The following CLASRP variants were observed in gnomAD, a reference collection of about 807,000 sequenced individuals.
CLASRP encodes CLK4 associating serine/arginine rich protein.
In CLASRP, 52 loss-of-function variants were observed where a neutral mutation model predicts 99.9. The observed-to-expected ratio is 0.52, with a 90% CI of 0.42 to 0.66. The LOEUF (loss-of-function observed/expected upper bound fraction) is 0.66, where lower values mean the gene tolerates loss of function less well. Ranked by LOEUF, CLASRP falls within the 30% of genes least tolerant of loss-of-function variation. The pLI is 0.00. For missense variants in CLASRP, 848 were observed against 999.2 expected, an observed-to-expected ratio of 0.85 and a Z score of 2.04; for synonymous variants, 379 against 373.0, an observed-to-expected ratio of 1.02 and a Z score of -0.18.
At chr19:45,045,986 C>G (rs1018098000) in intron 2 of CLASRP, among the ~76,000 whole-genome samples, 5 of 152,166 alleles carry the variant, frequency 3.3e-5, no homozygotes, top group Non-Finnish European at 7.3e-5. Flanking sequence ...CGACCAACCC[C>G]TCTCACTGGA....
chr19:45,067,579 G>A lies in CLASRP; in HGVS notation c.1652G>A (p.Gly551Asp). 6.3e-7 allele frequency: 1 copy of A among 1,599,190 alleles called. No homozygotes were observed. Among genetic ancestry groups the A allele is most frequent in the African/African-American group, 1.3e-5 (1 of 74,772 alleles). The change falls in exon 14 of 21, where the codon GGC becomes GAC. Residue 551 changes from glycine to aspartate, a missense_variant. Transcript: ENST00000221455. The surrounding 1 kb of genome is among the most constrained non-coding windows in gnomAD (Gnocchi z 4.9). ...AGGCCGGCCGCGTCCCCTGCTGTGG[G>A]CGAGAAGCTGAAAAAGTGAGCGGGG... is the stretch of plus-strand genomic sequence containing the variant. ...LTRPAASPAV[G>D]EKLKKTEPAA... is the part of the protein sequence containing the mutation.
Position 45,070,786 on chromosome 19 carries a change from T to TC in CLASRP, c.1983-14dup. On this transcript the variant is annotated splice_polypyrimidine_tract_variant and intron_variant, in intron 20 of 20. Transcript: ENST00000221455. Reference sequence around the variant, plus strand: ...GTGTATGCCCCATCCTCACGGCCCCTCCCTTTCTCTTTCCAGGCGCTCAAG... The same window carrying TC: ...GTGTATGCCCCATCCTCACGGCCCCTCCCCTTTCTCTTTCCAGGCGCTCAAG... 1 of 1,574,030 alleles carries TC rather than the reference T, an allele frequency of 6.4e-7. No individual in the cohort carries two copies. The highest frequency in any genetic ancestry group is 2.3e-5 in the East Asian group (1 of 42,700).
intron 5 of CLASRP, among the ~76,000 whole-genome samples, chr19:45,054,284 C>G (rs963347064): frequency 3.3e-5 from 5 of 152,086 alleles, no homozygotes; most frequent in Non-Finnish European, 7.4e-5. Context: ...GAGTCTTACT[C>G]TGTTGCCCAG....
At chr19:45,053,787 GT>G (rs2122559856) in intron 5 of CLASRP, among the ~76,000 whole-genome samples, 1 of 152,200 alleles carries the variant, frequency 6.6e-6, no homozygotes, top group South Asian at 2.1e-4. Flanking sequence ...CCAAGAATAC[GT>G]TTTTAAAAGC....
At chr19:45,042,515 A>G (rs539001978) in intron 2 of CLASRP, among the ~76,000 whole-genome samples, 43 of 151,658 alleles carry the variant, frequency 2.8e-4, no homozygotes, top group Non-Finnish European at 4.9e-4. Flanking sequence ...AAAAATTTAT[A>G]TATATATATA....
chr19:45,052,083 G>T lies in CLASRP; in HGVS notation c.112G>T (p.Ala38Ser). The T allele has an allele frequency of 6.2e-7, 1 of 1,613,992 alleles. No individual in the cohort carries two copies. The highest frequency in any genetic ancestry group is 1.3e-5 in the African/African-American group (1 of 75,038). The change falls in exon 3 of 21, where the codon GCC (alanine) becomes TCC (serine). Residue 38 changes from alanine to serine, a missense_variant. Physicochemically the swap from Ala to Ser is moderately conservative, Grantham distance 99 (BLOSUM62 1). Around this residue, in one of 8 missense-constraint regions of CLASRP, gnomAD observed 46 missense variants for 96.8 expected, o/e 0.48. Transcript: ENST00000221455. ...TTTACCCCTGCAGAAGAAGGACCCA[G>T]CCCAGTTCCTGCAGGTACATGGCCG... Reference protein sequence around the residue: ...EYYEKIKKDPAQFLQVHGRAC... With the variant: ...EYYEKIKKDPSQFLQVHGRAC...
intron 2 of CLASRP, among the ~76,000 whole-genome samples, chr19:45,051,130 C>T (rs111299033): frequency 0.027 from 4,105 of 151,948 alleles, 99 homozygotes; most frequent in African/African-American, 0.065. Flanking sequence ...TGGTCATCTT[C>T]CCATGTGCGG....
intron 5 of CLASRP, among the ~76,000 whole-genome samples, chr19:45,053,467 T>C (rs1972065156): frequency 6.6e-6 from 1 of 152,038 alleles, no homozygotes; most frequent in South Asian, 2.1e-4. Flanking sequence ...AGCAAGAATA[T>C]GTTTTTATTT....
At chr19:45,063,589 G>T (rs1175017573) in intron 11 of CLASRP, among the ~76,000 whole-genome samples, 1 of 151,526 alleles carries the variant, frequency 6.6e-6, no homozygotes, top group East Asian at 1.9e-4. Flanking sequence ...TGGAATTACA[G>T]GTGCGCGCCA....
chr19:45,044,524 C>T (rs1391639085), intron 2 of CLASRP, among the ~76,000 whole-genome samples: 1 of 152,178 alleles, frequency 6.6e-6, no homozygotes, highest in Non-Finnish European at 1.5e-5. Flanking sequence ...CTTAACCTCT[C>T]TAAGCTTTTC....
Position 45,052,786 on chromosome 19 carries a change from T to G in CLASRP, c.198-5T>G, listed in dbSNP as rs201700001. ...TCTTGCTTTCTTGCTCCCCTCCCAC[T>G]TCAGGATGCCCTGGCAGGGGGACAC... On this transcript the variant is annotated splice_polypyrimidine_tract_variant and splice_region_variant and intron_variant, in intron 3 of 20. Transcript: ENST00000221455. 1.4e-4 allele frequency: 223 copies of G among 1,609,766 alleles called. No individual in the cohort carries two copies. Among genetic ancestry groups the G allele is most frequent in the Non-Finnish European group, 1.8e-4 (217 of 1,177,742 alleles).
At chr19:45,053,044 TGGG>T in intron 4 of CLASRP, 51 bp from the exon 5 acceptor site, 1 of 1,586,402 alleles carries the variant, frequency 6.3e-7, no homozygotes, top group Non-Finnish European at 8.7e-7. Flanking sequence ...CCTGCTGGCT[TGGG>T]GGGGGATCCA....
intron 6 of CLASRP, among the ~76,000 whole-genome samples, chr19:45,057,341 G>A (rs968304420): frequency 3.3e-5 from 5 of 152,184 alleles, no homozygotes; most frequent in South Asian, 2.1e-4. Context: ...TTCAGCCCTC[G>A]TCCACGGCCC....
chr19:45,070,571 C>T lies in CLASRP; in HGVS notation c.1982+10C>T. On this transcript the variant is annotated intron_variant, in intron 20 of 20. Transcript: ENST00000221455. ...ACAGCTCTTCTCGAAGGTAAGGAAG[C>T]CCATGACCCTCCACTTTCTTGGAAG... is the stretch of plus-strand genomic sequence containing the variant. 3.7e-6 allele frequency: 6 copies of T among 1,611,890 alleles called. No homozygotes were observed. The highest frequency in any genetic ancestry group is 5.1e-6 in the Non-Finnish European group (6 of 1,177,976).
intron 4 of CLASRP, 98 bp from the exon 5 acceptor site, chr19:45,053,000 G>T (rs1251688752): frequency 7.2e-6 from 11 of 1,536,728 alleles, no homozygotes; most frequent in Non-Finnish European, 9.0e-6. Flanking sequence ...ATTTGGTACC[G>T]CCCTGAGCCT....
intron 3 of CLASRP, 115 bp downstream of exon 3, chr19:45,052,283 G>A: frequency 1.2e-6 from 1 of 825,130 alleles, no homozygotes; most frequent in Admixed American, 2.1e-5. Context: ...TGGGGACTCA[G>A]AGGCAGGGAA....
At chr19:45,068,301 C>A (rs538616257) in intron 15 of CLASRP, 119 bp from the exon 16 acceptor site, 3 of 671,700 alleles carry the variant, frequency 4.5e-6, no homozygotes, top group South Asian at 1.7e-5. Context: ...CCCTCCTCCC[C>A]ACGTCGTTCT....
intron 2 of CLASRP, among the ~76,000 whole-genome samples, chr19:45,043,778 G>A (rs751767266): frequency 2.6e-5 from 4 of 152,146 alleles, no homozygotes; most frequent in Non-Finnish European, 4.4e-5. Flanking sequence ...ACTCATCTCC[G>A]ATAGTGTCAG....
chr19:45,064,961 A>G (rs1967049988), intron 13 of CLASRP, among the ~76,000 whole-genome samples: 1 of 151,958 alleles, frequency 6.6e-6, no homozygotes, highest in African/African-American at 2.4e-5. Context: ...TAGAAAGCGC[A>G]TGGACGCTCC....
Sources: allele counts gnomAD v4.1 joint callset (sites outside exome capture counted in the v4.1 genomes callset), GRCh38; gene constraint gnomAD v4.1.1; regional missense constraint gnomAD v4.1.1; non-coding constraint Gnocchi (gnomAD v3.1); transcripts MANE v1.5; gene names NCBI Gene and HGNC (gene_info 2026-07-23, HGNC 2026-07-21).